POLDIP3: variants seen among roughly 807,000 people sequenced by gnomAD.
POLDIP3 encodes DNA polymerase delta interacting protein 3, also known as polymerase delta-interacting protein 3.
In POLDIP3, 14 loss-of-function variants were observed where a neutral mutation model predicts 45.1. The observed-to-expected ratio is 0.31, with a 90% CI of 0.20 to 0.49. The LOEUF is 0.49. Ranked by LOEUF, POLDIP3 falls within the 20% of genes least tolerant of loss-of-function variation. POLDIP3 has a pLI of 0.99. For missense variants in POLDIP3, 511 were observed against 538.8 expected (o/e 0.95, Z 0.51); for synonymous variants, 223 against 205.2 (o/e 1.09, Z -0.74).
At chr22:42,588,701 T>C (rs537688659) in intron 7 of POLDIP3, among the ~76,000 whole-genome samples, 2 of 151,370 alleles carry the variant, frequency 1.3e-5, no homozygotes, top group South Asian at 4.2e-4. Context: ...CGATCTCGGC[T>C]CACGGCAACC....
chr22:42,588,183 C>T (rs1327993995), intron 7 of POLDIP3, among the ~76,000 whole-genome samples: 4 of 152,106 alleles, frequency 2.6e-5, no homozygotes, highest in South Asian at 2.1e-4. Flanking sequence ...GGGCCGGGCG[C>T]GGTGGCTCAC....
At chr22:42,613,908 T>A (rs1927287097) in intron 1 of POLDIP3, among the ~76,000 whole-genome samples, 1 of 152,246 alleles carries the variant, frequency 6.6e-6, no homozygotes, top group Non-Finnish European at 1.5e-5. Context: ...TCTCACTTCT[T>A]CATACAGATG....
At position 42,585,851 on chromosome 22, in the gene POLDIP3, G is replaced by C. The variant is rs777765985; in HGVS notation, c.1206C>G (p.Leu402=). ...EVDPDTILKA[L]FKSSGASVTT... ...TCACAGAGGCCCCTGAGGACTTGAA[G>C]AGTGCCTTCAGGATGGTGTCAGGGT... Residue 402 remains leucine (L), a synonymous_variant, in exon 9 of 9, where the codon CTC becomes CTG. Transcript: ENST00000252115. 6 of 1,613,280 alleles carry C rather than the reference G, an allele frequency of 3.7e-6. No individual in the cohort carries two copies. The South Asian group carries it at 4.4e-5, about 12-fold the overall frequency.
At chr22:42,610,555 G>C (rs766090596) in intron 1 of POLDIP3, among the ~76,000 whole-genome samples, 13 of 152,150 alleles carry the variant, frequency 8.5e-5, no homozygotes, top group Non-Finnish European at 1.3e-4. Flanking sequence ...TAAACTCATC[G>C]AACTAACAAA....
At chr22:42,597,284 G>C (rs1290577710) in intron 4 of POLDIP3, among the ~76,000 whole-genome samples, 1 of 152,256 alleles carries the variant, frequency 6.6e-6, no homozygotes, top group Non-Finnish European at 1.5e-5. Context: ...CACTGACCCA[G>C]GGCAGGGAGA....
intron 5 of POLDIP3, 75 bp from the exon 6 acceptor site, chr22:42,595,689 A>G: frequency 7.2e-7 from 1 of 1,383,968 alleles, no homozygotes; most frequent in Non-Finnish European, 1.0e-6. Flanking sequence ...TCCTCCAGGC[A>G]CGTGACTAGG....
intron 2 of POLDIP3, among the ~76,000 whole-genome samples, 158 bp downstream of exon 2, chr22:42,602,612 T>A (rs1314597005): frequency 6.6e-6 from 1 of 152,236 alleles, no homozygotes; most frequent in South Asian, 2.1e-4. Flanking sequence ...TATAGTTCCT[T>A]GGCTATAACG....
In POLDIP3 at chr22:42,614,003, A is replaced by G. The variant is rs144872028; in HGVS notation, c.59+796T>C. On this transcript the variant is annotated intron_variant, in intron 1 of 8. Coordinates refer to ENST00000252115, the MANE Select transcript of POLDIP3 (RefSeq NM_032311.5). ...GGAGACATGACTGCAAATCACCTCC[A>G]TGGCTCCTCAGCCAGCTCAAGCACT... Among the ~76,000 whole-genome samples, 648 of 152,286 alleles carry G rather than the reference A, an allele frequency of 4.3e-3. 3 individuals carry two copies. The highest frequency in any genetic ancestry group is 0.015 in the African/African-American group (631 of 41,560).
At chr22:42,611,982 T>TCC (rs1927146945) in intron 1 of POLDIP3, among the ~76,000 whole-genome samples, 2 of 152,218 alleles carry the variant, frequency 1.3e-5, no homozygotes, top group Non-Finnish European at 2.9e-5. Flanking sequence ...GACCACTGGA[T>TCC]CTAGTTTTTC....
intron 1 of POLDIP3, among the ~76,000 whole-genome samples, chr22:42,608,144 A>T (rs908107223): frequency 3.9e-5 from 6 of 152,206 alleles, no homozygotes; most frequent in African/African-American, 1.4e-4. Context: ...GAAAAGAGAG[A>T]TCAGATTGTT....
chr22:42,595,217 G>C (rs1368366394), intron 6 of POLDIP3, among the ~76,000 whole-genome samples: 7 of 152,238 alleles, frequency 4.6e-5, no homozygotes. Flanking sequence ...CCAGCCCCCA[G>C]TAAAACCTTT....
At position 42,585,423 on chromosome 22, in the gene POLDIP3, T is replaced by C; in HGVS notation, c.*368A>G. 1 of 364,386 alleles carries C rather than the reference T, an allele frequency of 2.7e-6. No homozygotes were observed. Among genetic ancestry groups the C allele is most frequent in the South Asian group, 2.1e-5 (1 of 47,998 alleles). 22.6% of individuals were successfully genotyped at this position (364,386 alleles called of 1,614,324 possible). ...TCGGCCCCTGGAAAAAGCAGGGTCC[T>C]TCAGACAGCCCCCACGCTGCATCCC... is the stretch of plus-strand genomic sequence containing the variant. On this transcript the variant is annotated 3_prime_UTR_variant, in exon 9 of 9. Transcript: ENST00000252115.
intron 1 of POLDIP3, among the ~76,000 whole-genome samples, chr22:42,609,603 T>C (rs1009157767): frequency 6.6e-5 from 10 of 152,142 alleles, no homozygotes; most frequent in East Asian, 1.9e-4. Context: ...TGGATTATTA[T>C]AAAGCAGATT....
At chr22:42,586,061 G>A (rs1925291008) in intron 8 of POLDIP3, 93 bp from the exon 9 acceptor site, 2 of 1,222,704 alleles carry the variant, frequency 1.6e-6, no homozygotes, top group Admixed American at 5.2e-5. Flanking sequence ...TCATGAGCTA[G>A]GCACTGGGTG....
At chr22:42,587,405 TG>T in intron 8 of POLDIP3, 100 bp downstream of exon 8, 6 of 1,208,016 alleles carry the variant, frequency 5.0e-6, no homozygotes, top group Non-Finnish European at 6.0e-6. Context: ...GGAAACGGAA[TG>T]GGGGGATGAA....
At chr22:42,589,752 G>A (rs1431250752) in intron 7 of POLDIP3, among the ~76,000 whole-genome samples, 2 of 151,536 alleles carry the variant, frequency 1.3e-5, no homozygotes, top group Non-Finnish European at 2.9e-5. Context: ...GCTGAGGCAG[G>A]AGAATTGCTT....
intron 4 of POLDIP3, among the ~76,000 whole-genome samples, chr22:42,597,421 T>C (rs1231683965): frequency 6.6e-6 from 1 of 152,202 alleles, no homozygotes; most frequent in African/African-American, 2.4e-5. Flanking sequence ...TGTGGAATTC[T>C]GCGTCTCCAG....
chr22:42,599,132 T>A (rs138043711), intron 4 of POLDIP3, among the ~76,000 whole-genome samples: 98 of 152,332 alleles, frequency 6.4e-4, no homozygotes, highest in African/African-American at 2.2e-3. Context: ...ACTCACACTT[T>A]CCCTATAGTG....
At chr22:42,599,934 G>A (rs906395775) in intron 3 of POLDIP3, 141 bp from the exon 4 acceptor site, 7 of 618,606 alleles carry the variant, frequency 1.1e-5, no homozygotes, top group South Asian at 1.0e-4. Flanking sequence ...ACGGTGCCTG[G>A]AAAGACTGGG....
Sources: allele counts gnomAD v4.1 joint callset (sites outside exome capture counted in the v4.1 genomes callset), GRCh38; gene constraint gnomAD v4.1.1; transcripts MANE v1.5; gene names NCBI Gene and HGNC (gene_info 2026-07-23, HGNC 2026-07-21).